Variants in MDGA2 observed in about 807,000 individuals in gnomAD.
The protein encoded by MDGA2 is MAM domain-containing glycosylphosphatidylinositol anchor protein 2.
A neutral mutation model predicts 117.8 loss-of-function variants in MDGA2; 40 were observed. The ratio of observed to expected loss-of-function variants is 0.34; its 90% CI spans 0.26 to 0.44. The LOEUF is 0.44. MDGA2 is among the 20% of genes least tolerant of loss of function. The probability of loss-of-function intolerance (pLI) is 1.00; values close to 1 mark genes in which losing one functional copy is unlikely to be tolerated. For synonymous variants in MDGA2, 452 were observed against 439.0 expected (o/e 1.03, Z -0.37); for missense variants, 1,123 against 1,250.6 (o/e 0.90, Z 1.54).
chr14:47,179,618 A>T (rs570303088), intron 3 of MDGA2, among the ~76,000 whole-genome samples: 1 of 152,142 alleles, frequency 6.6e-6, no homozygotes, highest in African/African-American at 2.4e-5. Flanking sequence ...GGCTACTGTG[A>T]TATTGGAGAT....
In MDGA2 at chr14:47,624,223, C is replaced by T. The variant is rs1031208682; in HGVS notation, c.280+50294G>A. On this transcript the variant is annotated intron_variant, in intron 1 of 16. Transcript: ENST00000399232. ...CTGTAATCCCAGCACTTTGAAAGGCCGAGGCGGGCGGATCACCTGAGGTCA... is the reference window on the plus strand; with the variant it reads ...CTGTAATCCCAGCACTTTGAAAGGCTGAGGCGGGCGGATCACCTGAGGTCA... Among the ~76,000 whole-genome samples, 11 of 152,198 alleles carry T rather than the reference C, an allele frequency of 7.2e-5. No individual in the cohort carries two copies. The East Asian group carries it at 1.2e-3, about 16-fold the overall frequency.
At chr14:47,348,491 C>T (rs1034734715) in intron 1 of MDGA2, among the ~76,000 whole-genome samples, 5 of 152,116 alleles carry the variant, frequency 3.3e-5, no homozygotes, top group African/African-American at 4.8e-5. Context: ...GGAGTATAGG[C>T]ATGAGCTACC....
At position 46,855,081 on chromosome 14, in the gene MDGA2, A is replaced by C; in HGVS notation, c.2826T>G (p.Asn942Lys). 2 of 1,611,846 alleles carry C rather than the reference A, an allele frequency of 1.2e-6. No individual in the cohort carries two copies. Among genetic ancestry groups the C allele is most frequent in the Non-Finnish European group, 1.7e-6 (2 of 1,178,660 alleles). The change falls in exon 15 of 17, where the codon AAT becomes AAG. Residue 942 changes from asparagine (N) to lysine (K), a missense_variant. This residue lies in a region of MDGA2 where 890 missense variants were observed against 1,050.3 expected (regional missense o/e 0.85). Transcript: ENST00000399232. The surrounding 1 kb of genome is among the most constrained non-coding windows in gnomAD (Gnocchi z 4.1). ...GAGCCTCATTCCATCTTTGTCCTTTATTCCCACTTGAAGACCACAGTGGAT... is the reference window on the plus strand; with the variant it reads ...GAGCCTCATTCCATCTTTGTCCTTTCTTCCCACTTGAAGACCACAGTGGAT... ...IENPLWSSSG[N>K]KGQRWNEAHV...
chr14:47,244,577 T>C (rs1887177275), intron 2 of MDGA2, among the ~76,000 whole-genome samples: 1 of 151,854 alleles, frequency 6.6e-6, no homozygotes, highest in Non-Finnish European at 1.5e-5. Flanking sequence ...TTTGCTTATA[T>C]CCTTTTCATT....
chr14:47,016,584 T>C (rs369496423), intron 8 of MDGA2, among the ~76,000 whole-genome samples: 5 of 152,046 alleles, frequency 3.3e-5, no homozygotes, highest in Non-Finnish European at 7.4e-5. Flanking sequence ...ACTCTGAATA[T>C]GCATATATGA....
intron 2 of MDGA2, among the ~76,000 whole-genome samples, chr14:47,300,280 C>T (rs1238996589): frequency 6.6e-6 from 1 of 152,108 alleles, no homozygotes; most frequent in Non-Finnish European, 1.5e-5. Flanking sequence ...CTGAGTGAAA[C>T]TATTTTTCCT....
At position 46,895,939 on chromosome 14, in the gene MDGA2, T is replaced by C. The variant is rs539564680; in HGVS notation, c.2239-13718A>G. Among the ~76,000 whole-genome samples the C allele has an allele frequency of 2.6e-5, 4 of 152,280 alleles. No individual in the cohort carries two copies. In the East Asian group the frequency reaches 5.8e-4, roughly 22 times the overall value. ...TCTGGTGAGTACCGATTACTGTCCA[T>C]AGTACGTATTGCTACTAAAGTTCAA... On this transcript the variant is annotated intron_variant, in intron 10 of 16. Coordinates refer to ENST00000399232, the MANE Select transcript of MDGA2 (RefSeq NM_001113498.3).
intron 1 of MDGA2, among the ~76,000 whole-genome samples, chr14:47,406,162 G>T (rs913275331): frequency 1.3e-5 from 2 of 152,022 alleles, no homozygotes; most frequent in Non-Finnish European, 2.9e-5. Flanking sequence ...GCTGGTAGAC[G>T]TGCAAATTAG....
intron 1 of MDGA2, among the ~76,000 whole-genome samples, chr14:47,431,964 T>C (rs1002987031): frequency 2.0e-5 from 3 of 152,054 alleles, no homozygotes; most frequent in African/African-American, 2.4e-5. Context: ...CATTATTACT[T>C]GAAGGAACAA....
At chr14:46,982,704 TCAA>T (rs1566558812) in intron 8 of MDGA2, among the ~76,000 whole-genome samples, 7 of 23,024 alleles carry the variant, frequency 3.0e-4, no homozygotes, top group African/African-American at 1.1e-3. Flanking sequence ...GGAGACTCCA[TCAA>T]AAAAAAAAAA....
intron 2 of MDGA2, among the ~76,000 whole-genome samples, chr14:47,229,503 C>T (rs1886617092): frequency 6.6e-6 from 1 of 151,894 alleles, no homozygotes; most frequent in African/African-American, 2.4e-5. Context: ...AATAAAAATA[C>T]ACAAATACAT....
At chr14:47,154,085 G>GGACA (rs1302728162) in intron 3 of MDGA2, among the ~76,000 whole-genome samples, 1 of 152,084 alleles carries the variant, frequency 6.6e-6, no homozygotes, top group Non-Finnish European at 1.5e-5. Flanking sequence ...GGGGAGTAGA[G>GGACA]GACAACATGT....
chr14:46,988,459 T>A (rs964453964), intron 8 of MDGA2, among the ~76,000 whole-genome samples: 2 of 151,994 alleles, frequency 1.3e-5, no homozygotes, highest in Non-Finnish European at 2.9e-5. Context: ...GATTCTGACA[T>A]GTTTGCTGAT....
chr14:46,878,888 A>C (rs1882336951), intron 11 of MDGA2, among the ~76,000 whole-genome samples: 1 of 152,076 alleles, frequency 6.6e-6, no homozygotes. Flanking sequence ...ACCAGACTGA[A>C]TTTTAATTGA....
At chr14:47,014,639 A>T (rs1279747627) in intron 8 of MDGA2, among the ~76,000 whole-genome samples, 3 of 152,168 alleles carry the variant, frequency 2.0e-5, no homozygotes, top group Non-Finnish European at 2.9e-5. Flanking sequence ...GTTAGCTTCA[A>T]ACTGTTCTTC....
At position 47,144,169 on chromosome 14, in the gene MDGA2, G is replaced by C; in HGVS notation, c.701C>G (p.Pro234Arg). Reference sequence around the variant, plus strand: ...ACGTCTCCAGCTATACCGAACAGGAGGATTGGAATTGGCAACACACCGGAG... The same window carrying C: ...ACGTCTCCAGCTATACCGAACAGGACGATTGGAATTGGCAACACACCGGAG... Reference protein sequence around the residue: ...VFLRCVANSNPPVRYSWRRGQ... With the variant: ...VFLRCVANSNRPVRYSWRRGQ... Residue 234 changes from proline (P) to arginine (R), a missense_variant, in exon 4 of 17, where the codon CCT (proline) becomes CGT (arginine). Transcript: ENST00000399232. The C allele has an allele frequency of 6.4e-7, 1 of 1,551,302 alleles. No homozygotes were observed. Among genetic ancestry groups the C allele is most frequent in the Non-Finnish European group, 8.7e-7 (1 of 1,146,796 alleles).
At chr14:47,053,601 GTATATATA>G (rs373802720) in intron 7 of MDGA2, among the ~76,000 whole-genome samples, 1,910 of 107,032 alleles carry the variant, frequency 0.018, 29 homozygotes, top group East Asian at 0.037. Context: ...GTGTGTATGT[GTATATATA>G]TATATATATA....
At chr14:47,520,351 T>C (rs1056789449) in intron 1 of MDGA2, among the ~76,000 whole-genome samples, 5 of 152,126 alleles carry the variant, frequency 3.3e-5, no homozygotes, top group Non-Finnish European at 2.9e-5. Flanking sequence ...CCTAAAATCA[T>C]AAAACACTGA....
intron 15 of MDGA2, among the ~76,000 whole-genome samples, chr14:46,849,621 T>A (rs1594992807): frequency 6.6e-6 from 1 of 151,838 alleles, no homozygotes; most frequent in Non-Finnish European, 1.5e-5. Flanking sequence ...TTTGCTGACG[T>A]TTTCTAGAAT....
Sources: gnomAD v4.1 joint callset for allele counts (sites outside exome capture counted in the v4.1 genomes callset) on GRCh38, gnomAD v4.1.1 for gene constraint, gnomAD v4.1.1 regional missense constraint, Gnocchi (gnomAD v3.1) non-coding constraint, MANE v1.5 for transcripts, NCBI Gene and HGNC (gene_info 2026-07-23, HGNC 2026-07-21) for gene names.